ANO3: variants seen among roughly 807,000 people sequenced by gnomAD.
ANO3 encodes anoctamin-3.
In ANO3, 99 loss-of-function variants were observed where a neutral mutation model predicts 144.8. The ratio of observed to expected loss-of-function variants is 0.68; its 90% CI spans 0.58 to 0.81. The LOEUF is 0.81. Among genes scored for constraint, ANO3 ranks in the 30% least tolerant of loss-of-function variants. The pLI, the probability that ANO3 is intolerant of heterozygous loss-of-function variation, is 0.00. For synonymous variants in ANO3, 414 were observed against 392.6 expected, an observed-to-expected ratio of 1.05 and a Z score of -0.64; for missense variants, 905 against 1,202.2, an observed-to-expected ratio of 0.75 and a Z score of 3.66.
intron 4 of ANO3, among the ~76,000 whole-genome samples, chr11:26,494,557 G>A (rs148685789): frequency 0.015 from 2,296 of 152,218 alleles, 23 homozygotes; most frequent in Non-Finnish European, 0.025. Context: ...TACCTTAGAG[G>A]AAATGCTGAG....
At chr11:26,244,600 G>C (rs1030218440) in intron 1 of ANO3, among the ~76,000 whole-genome samples, 1 of 152,092 alleles carries the variant, frequency 6.6e-6, no homozygotes, top group African/African-American at 2.4e-5. Flanking sequence ...AAAAATTACA[G>C]ATATCAAAAA....
At chr11:26,460,264 T>A in intron 3 of ANO3, 1 of 295,514 alleles carries the variant, frequency 3.4e-6, no homozygotes, top group South Asian at 2.9e-5. Context: ...ATTGAAAAAT[T>A]TTCTTTGCTT....
chr11:26,442,840 C>T (rs1256621999), intron 2 of ANO3, among the ~76,000 whole-genome samples: 2 of 152,154 alleles, frequency 1.3e-5, no homozygotes, highest in Non-Finnish European at 2.9e-5. Flanking sequence ...GATGTCGGCT[C>T]ACTGTAACGT....
chr11:26,553,377 A>G, intron 13 of ANO3, 32 bp downstream of exon 13: 4 of 1,473,326 alleles, frequency 2.7e-6, no homozygotes, highest in Non-Finnish European at 3.8e-6. Context: ...CTCCTCCCTG[A>G]GCTGTACTGA....
chr11:26,645,726 C>T (rs951618020), intron 23 of ANO3, among the ~76,000 whole-genome samples: 1 of 151,930 alleles, frequency 6.6e-6, no homozygotes, highest in African/African-American at 2.4e-5. Context: ...GGAGGGAGAG[C>T]ATCAGGAAAA....
chr11:26,601,540 GA>G (rs59235687), intron 17 of ANO3, among the ~76,000 whole-genome samples: 103,190 of 148,894 alleles, frequency 0.69, 36,634 homozygotes, highest in East Asian at 0.84. Flanking sequence ...AATAAACATT[GA>G]AAAAAAATAC....
intron 14 of ANO3, among the ~76,000 whole-genome samples, chr11:26,593,908 A>T (rs899008893): frequency 6.6e-6 from 1 of 152,112 alleles, no homozygotes; most frequent in Non-Finnish European, 1.5e-5. Context: ...TATTATAAAA[A>T]ACCAAGGTTA....
chr11:26,229,084 C>T (rs1852327756), intron 1 of ANO3, among the ~76,000 whole-genome samples: 2 of 145,720 alleles, frequency 1.4e-5, no homozygotes, highest in Admixed American at 6.9e-5. Context: ...GCCCTTACAT[C>T]TTAAATAAAG....
chr11:26,419,758 G>T (rs915540826), intron 1 of ANO3, among the ~76,000 whole-genome samples: 1 of 152,088 alleles, frequency 6.6e-6, no homozygotes, highest in African/African-American at 2.4e-5. Context: ...CAAGGAAAAT[G>T]AGCTTATTTG....
chr11:26,348,656 A>G (rs915219503), intron 1 of ANO3, among the ~76,000 whole-genome samples: 1 of 152,246 alleles, frequency 6.6e-6, no homozygotes, highest in African/African-American at 2.4e-5. Context: ...CTTGAAGATC[A>G]GGTTTTGGAT....
intron 1 of ANO3, among the ~76,000 whole-genome samples, chr11:26,367,333 T>G (rs768343303): frequency 2.0e-5 from 3 of 152,212 alleles, no homozygotes; most frequent in Non-Finnish European, 4.4e-5. Flanking sequence ...ATGAACAGAA[T>G]GCACCAAGCT....
At chr11:26,546,189 C>T (rs1169618178) in intron 11 of ANO3, among the ~76,000 whole-genome samples, 5 of 151,502 alleles carry the variant, frequency 3.3e-5, no homozygotes, top group African/African-American at 2.4e-5. Context: ...TTTTCAATAC[C>T]TATTAATATA....
At position 26,245,695 on chromosome 11, in the gene ANO3, G is replaced by T. The variant is rs116968508; in HGVS notation, c.154+56365G>T. On this transcript the variant is annotated intron_variant, in intron 1 of 27. Coordinates refer to the ANO3 transcript ENST00000672621. ...AAATGACAGATTAATAGGATAAATG[G>T]CATGCAAATTTATTAGCATTTATGG... 3.3e-5 allele frequency among the ~76,000 whole-genome samples: 5 copies of T among 152,268 alleles called. No homozygotes were observed. In the East Asian group the frequency reaches 9.7e-4, roughly 29 times the overall value.
intron 6 of ANO3, among the ~76,000 whole-genome samples, chr11:26,519,139 C>G (rs1425086243): frequency 6.6e-6 from 1 of 152,144 alleles, no homozygotes; most frequent in East Asian, 1.9e-4. Flanking sequence ...AATTTATGTA[C>G]AAACTAATTT....
intron 1 of ANO3, among the ~76,000 whole-genome samples, chr11:26,236,926 A>T (rs1232661173): frequency 6.6e-6 from 1 of 151,914 alleles, no homozygotes; most frequent in East Asian, 1.9e-4. Context: ...GTTATAAAAG[A>T]TTTTTTTTAA....
upstream of ANO3, among the ~76,000 whole-genome samples, chr11:26,327,218 T>C (rs983632892): frequency 6.6e-6 from 1 of 152,198 alleles, no homozygotes. Flanking sequence ...TTCGGCACCA[T>C]GACAAATAGA....
intron 4 of ANO3, 130 bp downstream of exon 4, chr11:26,463,278 G>C (rs900895464): frequency 8.5e-6 from 4 of 468,038 alleles, no homozygotes; most frequent in Admixed American, 8.2e-5. Flanking sequence ...GTACTATTAA[G>C]AACTCAGAAG....
At chr11:26,385,144 CATAAT>C (rs1856689198) in intron 1 of ANO3, among the ~76,000 whole-genome samples, 1 of 151,972 alleles carries the variant, frequency 6.6e-6, no homozygotes, top group Non-Finnish European at 1.5e-5. Context: ...AGATAAGACT[CATAAT>C]GAATAAATGA....
intron 14 of ANO3, among the ~76,000 whole-genome samples, chr11:26,574,958 T>G (rs959370022): frequency 3.3e-5 from 5 of 152,232 alleles, no homozygotes; most frequent in African/African-American, 9.6e-5. Flanking sequence ...GTAAACCTGG[T>G]CAATCAACTA....
Sources: gnomAD v4.1 joint callset for allele counts (sites outside exome capture counted in the v4.1 genomes callset) on GRCh38, gnomAD v4.1.1 for gene constraint, MANE v1.5 for transcripts, NCBI Gene and HGNC (gene_info 2026-07-23, HGNC 2026-07-21) for gene names.